The following KLF13 variants were observed in gnomAD, a reference collection of about 807,000 sequenced individuals.
KLF13 encodes the protein KLF transcription factor 13, also known as Krueppel-like factor 13.
Under a neutral mutation model 16.7 loss-of-function variants are expected in KLF13, and 8 were observed. The ratio of observed to expected loss-of-function variants is 0.48; its 90% CI spans 0.28 to 0.87. The LOEUF is 0.87. Among genes scored for constraint, KLF13 ranks in the 40% least tolerant of loss-of-function variants. KLF13 has a pLI of 0.10. For missense variants in KLF13, 447 were observed against 452.2 expected (o/e 0.99, Z 0.10); for synonymous variants, 245 against 208.4 (o/e 1.18, Z -1.51).
intron 1 of KLF13, among the ~76,000 whole-genome samples, chr15:31,355,947 C>A (rs2039293376): frequency 6.6e-6 from 1 of 152,056 alleles, no homozygotes; most frequent in Admixed American, 6.5e-5. Context: ...GGCCCCACTT[C>A]CTGGAGCCCC....
At chr15:31,431,103 G>A (rs964535880) in intron 1 of KLF13, among the ~76,000 whole-genome samples, 6 of 152,046 alleles carry the variant, frequency 3.9e-5, no homozygotes, top group Non-Finnish European at 8.8e-5. Flanking sequence ...TGGAGTTAGT[G>A]ACCTTAAAAA....
At chr15:31,379,725 C>T (rs371073048), downstream of KLF13, among the ~76,000 whole-genome samples, 4 of 152,328 alleles carry the variant, frequency 2.6e-5, no homozygotes, top group East Asian at 5.8e-4. Context: ...TTTCGGGTGG[C>T]GGAGAGGGTC....
intron 1 of KLF13, among the ~76,000 whole-genome samples, chr15:31,419,146 T>A (rs888787442): frequency 6.6e-6 from 1 of 152,080 alleles, no homozygotes; most frequent in Non-Finnish European, 1.5e-5. Context: ...GCCCCCAGAA[T>A]CCCTAGCTGG....
At chr15:31,406,001 A>T (rs2040124240), downstream of KLF13, among the ~76,000 whole-genome samples, 1 of 152,242 alleles carries the variant, frequency 6.6e-6, no homozygotes. Context: ...AACTAGAGAA[A>T]GGACAAATCA....
At chr15:31,333,802 T>TA (rs1383734138) in intron 1 of KLF13, among the ~76,000 whole-genome samples, 2 of 152,312 alleles carry the variant, frequency 1.3e-5, no homozygotes, top group South Asian at 4.1e-4. Context: ...TTTATTATGT[T>TA]ACGCTGGCAT....
At chr15:31,361,471 T>C (rs1179876806) in intron 1 of KLF13, among the ~76,000 whole-genome samples, 2 of 151,552 alleles carry the variant, frequency 1.3e-5, no homozygotes, top group East Asian at 3.9e-4. Context: ...CTGTAAAGAG[T>C]GTACATGCAG....
intron 1 of KLF13, among the ~76,000 whole-genome samples, chr15:31,361,575 G>A (rs906639936): frequency 4.6e-5 from 7 of 152,120 alleles, no homozygotes; most frequent in African/African-American, 1.4e-4. Flanking sequence ...GAGAGGGCAG[G>A]GGGAGGAAAT....
Position 31,327,219 on chromosome 15 carries a change from G to A in KLF13, c.7G>A (p.Ala3Thr). MA[A>T]AAYVDHFAAE... is the part of the protein sequence containing the mutation. ...GCCGGCCCCAGCCCGCAGCATGGCAGCCGCCGCCTATGTGGACCACTTCGC... is the reference window on the plus strand; with the variant it reads ...GCCGGCCCCAGCCCGCAGCATGGCAACCGCCGCCTATGTGGACCACTTCGC... The change falls in exon 1 of 2, where the codon GCC becomes ACC. Residue 3 changes from alanine to threonine, a missense_variant. This residue lies in a region of KLF13 where 359 missense variants were observed against 282.8 expected (regional missense o/e 1.27). Coordinates refer to ENST00000307145, the MANE Select transcript of KLF13 (RefSeq NM_015995.4). The A allele has an allele frequency of 7.4e-7, 1 of 1,356,768 alleles. No individual in the cohort carries two copies. Among genetic ancestry groups the A allele is most frequent in the Non-Finnish European group, 9.5e-7 (1 of 1,053,280 alleles). 84.0% of individuals were successfully genotyped at this position (1,356,768 alleles called of 1,614,324 possible). A position where few individuals can be genotyped will look rare whatever the true frequency, so the allele number is the denominator to read the frequency against.
At chr15:31,423,176 C>CGTATATATACGTATATATACGT (rs149346729) in intron 1 of KLF13, among the ~76,000 whole-genome samples, 9 of 17,002 alleles carry the variant, frequency 5.3e-4, no homozygotes, top group Non-Finnish European at 7.8e-4. Context: ...TATATATATA[C>CGTATATATACGTATATATACGT]ATATATACGT....
rs1165982948 is a variant in KLF13 at position 31,372,245 on chromosome 15, C to T, written c.813C>T (p.Asp271=). Residue 271 remains aspartate (D), a synonymous_variant, in exon 2 of 2, where the codon GAC becomes GAT. Transcript: ENST00000307145. ...GGGSRTGSLS[D]YSRSDASSPT... ...GCTCGCGGACCGGCTCCCTCAGCGACTACAGCCGCTCCGACGCCAGCAGCC... is the reference window on the plus strand; with the variant it reads ...GCTCGCGGACCGGCTCCCTCAGCGATTACAGCCGCTCCGACGCCAGCAGCC... 6.3e-7 allele frequency: 1 copy of T among 1,576,062 alleles called. No individual in the cohort carries two copies. The highest frequency in any genetic ancestry group is 1.3e-5 in the African/African-American group (1 of 74,214).
intron 1 of KLF13, among the ~76,000 whole-genome samples, chr15:31,335,024 C>T (rs965031590): frequency 1.3e-5 from 2 of 152,204 alleles, no homozygotes; most frequent in African/African-American, 4.8e-5. Context: ...AAAGCTCTGC[C>T]ATTTGGCCAT....
At chr15:31,408,725 G>A (rs753503954), downstream of KLF13, among the ~76,000 whole-genome samples, 2 of 152,068 alleles carry the variant, frequency 1.3e-5, no homozygotes, top group African/African-American at 2.4e-5. Context: ...TGGAACTATC[G>A]GACAGGGAAC....
chr15:31,396,453 G>C (rs977419341), intron 2 of KLF13, among the ~76,000 whole-genome samples: 2 of 152,168 alleles, frequency 1.3e-5, no homozygotes, highest in African/African-American at 4.8e-5. Context: ...CACCGCGCCC[G>C]GCCTAGGGTT....
At chr15:31,343,694 T>G (rs1369977536) in intron 1 of KLF13, among the ~76,000 whole-genome samples, 1 of 152,170 alleles carries the variant, frequency 6.6e-6, no homozygotes, top group African/African-American at 2.4e-5. Flanking sequence ...AACTGCCTGT[T>G]GTTGTTAAGA....
rs142401203 is a variant in KLF13 at position 31,328,911 on chromosome 15, C to T, written c.577+1122C>T. On this transcript the variant is annotated intron_variant, in intron 1 of 1. Coordinates refer to ENST00000307145, the MANE Select transcript of KLF13 (RefSeq NM_015995.4). ...AGGCTCAAAACCCGTCTACTGAATACTGTTGTCTTGTGACCAAGGGTGGTG... is the reference window on the plus strand; with the variant it reads ...AGGCTCAAAACCCGTCTACTGAATATTGTTGTCTTGTGACCAAGGGTGGTG... 2.8e-3 allele frequency among the ~76,000 whole-genome samples: 422 copies of T among 152,302 alleles called. 3 individuals are homozygous for T. Among genetic ancestry groups the T allele is most frequent in the African/African-American group, 9.3e-3 (386 of 41,560 alleles).
At chr15:31,415,255 T>C (rs1301665738) in intron 1 of KLF13, among the ~76,000 whole-genome samples, 1 of 152,198 alleles carries the variant, frequency 6.6e-6, no homozygotes, top group Admixed American at 6.5e-5. Context: ...CTCCTTTCTT[T>C]ATAAATCATC....
Position 31,372,321 on chromosome 15 carries a change from C to T in KLF13, c.*22C>T. On this transcript the variant is annotated 3_prime_UTR_variant, in exon 2 of 2. Transcript: ENST00000307145. ...CTGAGCCCGCCACAGCCATGAGCAG[C>T]CGCTCCCACCCCCTCGTGAGTCCCT... is the stretch of plus-strand genomic sequence containing the variant. 6.9e-6 allele frequency: 10 copies of T among 1,443,082 alleles called. No homozygotes were observed. The highest frequency in any genetic ancestry group is 9.1e-6 in the Non-Finnish European group (10 of 1,102,294). 89.4% of individuals were successfully genotyped at this position (1,443,082 alleles called of 1,614,324 possible).
upstream of KLF13, among the ~76,000 whole-genome samples, chr15:31,389,023 AT>A (rs1366541311): frequency 3.3e-5 from 5 of 152,178 alleles, no homozygotes; most frequent in Admixed American, 3.3e-4. Flanking sequence ...ACCGTTGACC[AT>A]TGAACAACAT....
chr15:31,335,505 G>C, intron 1 of KLF13, among the ~76,000 whole-genome samples: 1 of 137,876 alleles, frequency 7.3e-6, no homozygotes, highest in South Asian at 2.7e-4. Context: ...GCGGGGGGAG[G>C]GCACAGCATG....
Sources: allele counts gnomAD v4.1 joint callset (sites outside exome capture counted in the v4.1 genomes callset), GRCh38; gene constraint gnomAD v4.1.1; regional missense constraint gnomAD v4.1.1; transcripts MANE v1.5; gene names NCBI Gene and HGNC (gene_info 2026-07-23, HGNC 2026-07-21).